The following PDCD6 variants were observed in gnomAD, a reference collection of about 807,000 sequenced individuals.
PDCD6 encodes programmed cell death protein 6.
PDCD6 carries 12 observed loss-of-function variants against 28.3 expected under a neutral mutation model. That is an observed-to-expected ratio of 0.42 (90% CI 0.27 to 0.69). The LOEUF is 0.69. Ranked by LOEUF, PDCD6 falls within the 30% of genes least tolerant of loss-of-function variation. The probability of loss-of-function intolerance (pLI) is 0.22; values close to 1 mark genes in which losing one functional copy is unlikely to be tolerated. For missense variants in PDCD6, 226 were observed against 269.9 expected (o/e 0.84, Z 1.14); for synonymous variants, 92 against 108.0 (o/e 0.85, Z 0.92).
At chr5:289,833 C>G (rs1167252148) in intron 2 of PDCD6, 5 of 1,440,980 alleles carry the variant, frequency 3.5e-6, no homozygotes, top group Non-Finnish European at 4.9e-6. Context: ...CATTAGACCT[C>G]TCAGGATAGC....
At chr5:288,292 T>TATAATATATA (rs56208909) in intron 2 of PDCD6, among the ~76,000 whole-genome samples, 7 of 107,112 alleles carry the variant, frequency 6.5e-5, no homozygotes, top group African/African-American at 1.9e-4. Context: ...AATATATATA[T>TATAATATATA]TATATATATA....
intron 5 of PDCD6, chr5:312,540 C>G (rs1021183270): frequency 6.6e-6 from 1 of 152,228 alleles, no homozygotes; most frequent in African/African-American, 2.4e-5. Flanking sequence ...AGAACCAGGT[C>G]TGTGAACATG....
rs536189641 is a variant in PDCD6, at chr5:307,920, C to A, written c.367+1160C>A. Among the ~76,000 whole-genome samples, 1 of 152,308 alleles carries A rather than the reference C, an allele frequency of 6.6e-6. No individual in the cohort carries two copies. Among genetic ancestry groups the A allele is most frequent in the South Asian group, 2.1e-4 (1 of 4,822 alleles). On this transcript the variant is annotated intron_variant, in intron 4 of 5. Transcript: ENST00000264933. The surrounding 1 kb of genome is among the most constrained non-coding windows in gnomAD (Gnocchi z 6.1). ...TCCTCAAGAAGCAGTTCTGAGCTGACCAGCTGCGAGCCAGGATTTGGGCTG... is the reference window on the plus strand; with the variant it reads ...TCCTCAAGAAGCAGTTCTGAGCTGAACAGCTGCGAGCCAGGATTTGGGCTG...
chr5:311,512 T>C, intron 5 of PDCD6, 110 bp downstream of exon 5: 2 of 714,084 alleles, frequency 2.8e-6, no homozygotes, highest in Non-Finnish European at 4.9e-6. Flanking sequence ...AGAATTAGTT[T>C]TTGGAGCTTA....
intron 2 of PDCD6, chr5:290,191 A>T: frequency 1.9e-6 from 3 of 1,580,860 alleles, no homozygotes; most frequent in Non-Finnish European, 2.6e-6. Context: ...ATAGCCTTTA[A>T]ATTGGGACCA....
intron 2 of PDCD6, among the ~76,000 whole-genome samples, chr5:283,785 A>G (rs1738749415): frequency 6.7e-6 from 1 of 148,456 alleles, no homozygotes; most frequent in African/African-American, 2.5e-5. Context: ...CTGCAGACCC[A>G]TAGAAAAGCT....
intron 2 of PDCD6, among the ~76,000 whole-genome samples, chr5:280,034 A>G (rs910883403): frequency 1.3e-5 from 2 of 149,002 alleles, no homozygotes; most frequent in African/African-American, 2.5e-5. Context: ...TGGAGACTCC[A>G]AGGACGAATG....
At chr5:298,687 C>T (rs1317926392) in intron 2 of PDCD6, among the ~76,000 whole-genome samples, 1 of 121,178 alleles carries the variant, frequency 8.3e-6, no homozygotes, top group East Asian at 2.4e-4. Context: ...TGCTCCCACT[C>T]AGCTGCTCCC....
At chr5:295,901 AG>A (rs1232897840) in intron 2 of PDCD6, among the ~76,000 whole-genome samples, 1 of 151,214 alleles carries the variant, frequency 6.6e-6, no homozygotes, top group East Asian at 1.9e-4. Context: ...ACTATATAGC[AG>A]GGAAGAAGTG....
chr5:307,798 G>A lies in PDCD6; in HGVS notation c.367+1038G>A, dbSNP rs6865205. On this transcript the variant is annotated intron_variant, in intron 4 of 5. Coordinates refer to ENST00000264933, the MANE Select transcript of PDCD6 (RefSeq NM_013232.4). This position sits in a 1 kb window ranked among gnomAD's most constrained non-coding sequence, Gnocchi z 6.1. ...TTATCTAAGCACGTCGCCTCTCCTCGTGTTTCCTCCCAGCATGCACTTTGT... is the reference window on the plus strand; with the variant it reads ...TTATCTAAGCACGTCGCCTCTCCTCATGTTTCCTCCCAGCATGCACTTTGT... 9.8e-3 allele frequency among the ~76,000 whole-genome samples: 1,486 copies of A among 152,048 alleles called. 20 individuals are homozygous for A. The highest frequency in any genetic ancestry group is 0.033 in the African/African-American group (1,373 of 41,452).
At chr5:306,812 G>A in intron 4 of PDCD6, 52 bp downstream of exon 4, 1 of 1,569,134 alleles carries the variant, frequency 6.4e-7, no homozygotes, top group Non-Finnish European at 8.8e-7. Context: ...GAACCTTGGA[G>A]CCGTTGAAGT....
intron 2 of PDCD6, among the ~76,000 whole-genome samples, chr5:280,860 G>A (rs1341988052): frequency 2.0e-5 from 3 of 152,120 alleles, no homozygotes; most frequent in Non-Finnish European, 4.4e-5. Flanking sequence ...AGAGGGCAGG[G>A]CCGTGCTGGG....
chr5:272,486 A>AAGGG (rs1258827810), intron 1 of PDCD6, among the ~76,000 whole-genome samples: 1 of 138,668 alleles, frequency 7.2e-6, no homozygotes, highest in Admixed American at 7.1e-5. Flanking sequence ...GAGAGGAAGG[A>AAGGG]AGGGAAGGAT....
intron 2 of PDCD6, chr5:288,689 TC>T (rs1739137514): frequency 1.2e-5 from 5 of 416,996 alleles, no homozygotes; most frequent in Non-Finnish European, 1.7e-5. Flanking sequence ...GTACAACTCT[TC>T]CAGGAATTAT....
At chr5:271,965 C>A (rs1221324048) in intron 1 of PDCD6, 144 bp downstream of exon 1, 18 of 428,056 alleles carry the variant, frequency 4.2e-5, no homozygotes, top group African/African-American at 2.9e-4. Flanking sequence ...GGCCCCCTCC[C>A]GTCCCCTGCC....
intron 2 of PDCD6, among the ~76,000 whole-genome samples, chr5:281,037 AATAAG>A (rs1364708930): frequency 6.6e-6 from 1 of 152,282 alleles, no homozygotes; most frequent in Non-Finnish European, 1.5e-5. Context: ...GGCAGAGAGA[AATAAG>A]ATCGCATCTA....
chr5:293,456 C>T (rs558872750), intron 2 of PDCD6, among the ~76,000 whole-genome samples: 43 of 94,374 alleles, frequency 4.6e-4, no homozygotes, highest in African/African-American at 1.2e-3. Flanking sequence ...CTGCAAACGC[C>T]CGCGATACTG....
chr5:273,573 T>A (rs775112312), intron 2 of PDCD6, among the ~76,000 whole-genome samples: 7 of 152,098 alleles, frequency 4.6e-5, no homozygotes, highest in Non-Finnish European at 8.8e-5. Flanking sequence ...AGTTTTGAGA[T>A]GTTGTGAAAA....
At chr5:284,365 G>A (rs1342256476) in intron 2 of PDCD6, among the ~76,000 whole-genome samples, 26 of 152,178 alleles carry the variant, frequency 1.7e-4, no homozygotes, top group Admixed American at 1.7e-3. Context: ...GAGCTGTTCT[G>A]GTTTGAGGGT....
Sources: gnomAD v4.1 joint callset for allele counts (sites outside exome capture counted in the v4.1 genomes callset) on GRCh38, gnomAD v4.1.1 for gene constraint, Gnocchi (gnomAD v3.1) non-coding constraint, MANE v1.5 for transcripts, NCBI Gene and HGNC (gene_info 2026-07-23, HGNC 2026-07-21) for gene names.